PPP4R3B: variants seen among roughly 807,000 people sequenced by gnomAD.
PPP4R3B encodes protein phosphatase 4 regulatory subunit 3B.
In PPP4R3B, 52 loss-of-function variants were observed where a neutral mutation model predicts 95.4. The ratio of observed to expected loss-of-function variants is 0.54; its 90% CI spans 0.44 to 0.69. The LOEUF (loss-of-function observed/expected upper bound fraction) is 0.69, where lower values mean the gene tolerates loss of function less well. Ranked by LOEUF, PPP4R3B falls within the 30% of genes least tolerant of loss-of-function variation. PPP4R3B has a pLI of 0.00. For missense variants in PPP4R3B, 1,003 were observed against 1,005.9 expected (o/e 1.00, Z 0.04); for synonymous variants, 407 against 343.9 (o/e 1.18, Z -2.03).
intron 2 of PPP4R3B, among the ~76,000 whole-genome samples, chr2:55,604,982 G>C (rs992149684): frequency 6.6e-6 from 1 of 151,894 alleles, no homozygotes; most frequent in African/African-American, 2.4e-5. Context: ...TGGGACTACA[G>C]GTGCACACAC....
At chr2:55,589,485 G>A (rs142625393) in intron 4 of PPP4R3B, among the ~76,000 whole-genome samples, 64 of 152,240 alleles carry the variant, frequency 4.2e-4, no homozygotes, top group South Asian at 2.3e-3. Flanking sequence ...AGTTTTACAC[G>A]TTCTTGCGGT....
chr2:55,578,986 A>C (rs1320501889), intron 9 of PPP4R3B, among the ~76,000 whole-genome samples: 1 of 152,090 alleles, frequency 6.6e-6, no homozygotes, highest in African/African-American at 2.4e-5. Context: ...ATCTACAGTT[A>C]AGTTGAATAT....
chr2:55,598,193 C>T (rs1280615464), intron 4 of PPP4R3B, among the ~76,000 whole-genome samples: 1 of 152,160 alleles, frequency 6.6e-6, no homozygotes, highest in Non-Finnish European at 1.5e-5. Context: ...GCATTCCAGC[C>T]TGGGCGACAG....
chr2:55,615,929 T>G (rs1046499084), intron 1 of PPP4R3B, among the ~76,000 whole-genome samples: 1 of 111,788 alleles, frequency 8.9e-6, no homozygotes, highest in Non-Finnish European at 1.6e-5. Context: ...TTTCAAGTCT[T>G]TTTACCGAGT....
At chr2:55,616,779 A>G (rs962890922) in intron 1 of PPP4R3B, among the ~76,000 whole-genome samples, 1 of 151,968 alleles carries the variant, frequency 6.6e-6, no homozygotes, top group African/African-American at 2.4e-5. Context: ...AACCGTTTGT[A>G]CTAGACGTAT....
In PPP4R3B at chr2:55,617,571, A is replaced by C. The variant is rs1695146424; in HGVS notation, c.-286T>G. 2.9e-6 allele frequency: 1 copy of C among 345,446 alleles called. No individual in the cohort carries two copies. The highest frequency in any genetic ancestry group is 5.3e-6 in the Non-Finnish European group (1 of 187,382). The allele number at this position is 345,446 out of a possible 1,614,324, so 21.4% of individuals were successfully genotyped here. The stretch of plus-strand genomic sequence containing the variant: ...TCGCTTGCTCTCCCGCCGCCGCGGT[A>C]ACTACTACAGATCCGCCATCTTGTA... On this transcript the variant is annotated 5_prime_UTR_variant, in exon 1 of 17. Coordinates refer to ENST00000616407, the MANE Select transcript of PPP4R3B (RefSeq NM_001122964.3).
rs1449191459 is a variant in PPP4R3B at position 55,579,667 on chromosome 2, A to G, written c.1468+12T>C. 2 of 1,525,278 alleles carry G rather than the reference A, an allele frequency of 1.3e-6. No individual in the cohort carries two copies. Among genetic ancestry groups the G allele is most frequent in the Admixed American group, 2.1e-5 (1 of 46,538 alleles). 94.5% of individuals were successfully genotyped at this position (1,525,278 alleles called of 1,614,324 possible). The stretch of plus-strand genomic sequence containing the variant: ...AAACAGAAATCACAGCAGATAAATA[A>G]AGAGACCCTACCCTTTTCACATTTG... On this transcript the variant is annotated intron_variant, in intron 9 of 16. Coordinates refer to ENST00000616407, the MANE Select transcript of PPP4R3B (RefSeq NM_001122964.3).
chr2:55,603,888 G>A (rs1479232045), intron 3 of PPP4R3B, 90 bp downstream of exon 3: 7 of 804,274 alleles, frequency 8.7e-6, no homozygotes, highest in Middle Eastern at 3.4e-4. Flanking sequence ...ACACTATCTC[G>A]CCACATCCTA....
chr2:55,578,733 T>C (rs1355339312), intron 9 of PPP4R3B, among the ~76,000 whole-genome samples: 1 of 152,096 alleles, frequency 6.6e-6, no homozygotes, highest in Non-Finnish European at 1.5e-5. Context: ...GAACTGATAG[T>C]ATTACATAGG....
At chr2:55,603,493 A>T (rs1260612107) in intron 3 of PPP4R3B, among the ~76,000 whole-genome samples, 1 of 152,168 alleles carries the variant, frequency 6.6e-6, no homozygotes, top group African/African-American at 2.4e-5. Flanking sequence ...CCTAAAACAA[A>T]AGGTTTCTTT....
At position 55,598,502 on chromosome 2, in the gene PPP4R3B, T is replaced by A. The variant is rs1247948488; in HGVS notation, c.835A>T (p.Thr279Ser). Residue 279 changes from threonine (T) to serine (S), a missense_variant, in exon 4 of 17, where the codon ACA (threonine) becomes TCA (serine). Transcript: ENST00000616407. ...AAATTCTCTTCAAAAACAGATGGTG[T>A]GGGCAAAATGATGTCCTGAATGTAC... ...VQYIQDIILP[T>S]PSVFEENFLS... is the part of the protein sequence containing the mutation. 1 of 1,614,064 alleles carries A rather than the reference T, an allele frequency of 6.2e-7. No individual in the cohort carries two copies. The highest frequency in any genetic ancestry group is 8.5e-7 in the Non-Finnish European group (1 of 1,180,038).
chr2:55,555,919 A>G (rs939020047), intron 16 of PPP4R3B, among the ~76,000 whole-genome samples: 3 of 152,224 alleles, frequency 2.0e-5, no homozygotes, highest in Non-Finnish European at 4.4e-5. Context: ...TTCTGATTTT[A>G]TATTTTTCCT....
chr2:55,581,800 G>C, intron 7 of PPP4R3B, 102 bp from the exon 8 acceptor site: 9 of 1,219,152 alleles, frequency 7.4e-6, no homozygotes, highest in Non-Finnish European at 3.3e-6. Context: ...ATTATATAGA[G>C]AAAAAACGAA....
In PPP4R3B at chr2:55,579,743, G is replaced by C. The variant is rs1343777795; in HGVS notation, c.1404C>G (p.Asn468Lys). The C allele has an allele frequency of 6.2e-7, 1 of 1,604,878 alleles. No individual in the cohort carries two copies. Among genetic ancestry groups the C allele is most frequent in the South Asian group, 1.1e-5 (1 of 89,232 alleles). Residue 468 changes from asparagine (N) to lysine (K), a missense_variant, in exon 9 of 17, where the codon AAC (asparagine) becomes AAG (lysine). Physicochemically the swap from Asn to Lys is moderately conservative, Grantham distance 94. Transcript: ENST00000616407. Reference protein sequence around the residue: ...EKSEFLNFFYNHCMHVLTAPL... With the variant: ...EKSEFLNFFYKHCMHVLTAPL... ...GTGCTGTGAGAACATGCATACAATG[G>C]TTGTAGAAAAAATTTAGAAATTCAC...
At chr2:55,613,537 C>G (rs966598304) in intron 2 of PPP4R3B, among the ~76,000 whole-genome samples, 1 of 151,962 alleles carries the variant, frequency 6.6e-6, no homozygotes, top group Non-Finnish European at 1.5e-5. Context: ...TCTAGTAGAG[C>G]AACATTATAC....
rs1393542794 is a variant in PPP4R3B, at chr2:55,585,224, T to C, written c.1117-57A>G. The C allele has an allele frequency of 6.9e-6, 9 of 1,302,050 alleles. No homozygotes were observed. In the African/African-American group the frequency reaches 1.2e-4, roughly 17 times the overall value. 80.7% of individuals were successfully genotyped at this position (1,302,050 alleles called of 1,614,324 possible). On this transcript the variant is annotated intron_variant, in intron 6 of 16. Transcript: ENST00000616407. ...CTGTTAACAAAAGTTATTCTCACAT[T>C]TCTTTTTTCTTTTCCAAATCCATAC...
intron 4 of PPP4R3B, among the ~76,000 whole-genome samples, chr2:55,593,574 G>T (rs778585109): frequency 3.3e-5 from 5 of 152,088 alleles, no homozygotes; most frequent in African/African-American, 9.7e-5. Context: ...TTTCTACATG[G>T]AAATCTCAGA....
At chr2:55,602,543 G>C (rs950784067) in intron 3 of PPP4R3B, among the ~76,000 whole-genome samples, 1 of 152,204 alleles carries the variant, frequency 6.6e-6, no homozygotes, top group Non-Finnish European at 1.5e-5. Context: ...GGAGGTGCTG[G>C]AATAAGGTCA....
At chr2:55,591,313 A>T (rs955054364) in intron 4 of PPP4R3B, among the ~76,000 whole-genome samples, 37 of 145,784 alleles carry the variant, frequency 2.5e-4, no homozygotes, top group African/African-American at 9.5e-4. Context: ...TTTTTTTTTT[A>T]ATTTTTTGTA....
Sources: gnomAD v4.1 joint callset for allele counts (sites outside exome capture counted in the v4.1 genomes callset) on GRCh38, gnomAD v4.1.1 for gene constraint, MANE v1.5 for transcripts, NCBI Gene and HGNC (gene_info 2026-07-23, HGNC 2026-07-21) for gene names.